Variants in PHLPP1 observed in about 807,000 individuals in gnomAD.
PHLPP1 encodes the protein PH domain leucine-rich repeat-containing protein phosphatase 1.
Under a neutral mutation model 117.2 loss-of-function variants are expected in PHLPP1, and 42 were observed. The ratio of observed to expected loss-of-function variants is 0.36; its 90% CI spans 0.28 to 0.46. The LOEUF is 0.46. PHLPP1 is among the 20% of genes least tolerant of loss of function. PHLPP1 has a pLI of 1.00. For synonymous variants in PHLPP1, 1,042 were observed against 970.7 expected (o/e 1.07, Z -1.37); for missense variants, 2,084 against 2,241.9 (o/e 0.93, Z 1.42).
chr18:62,874,906 G>T (rs1916009672), intron 4 of PHLPP1, among the ~76,000 whole-genome samples: 1 of 152,162 alleles, frequency 6.6e-6, no homozygotes, highest in Admixed American at 6.5e-5. Flanking sequence ...TGAATGAAAT[G>T]ACATTGTTCG....
intron 4 of PHLPP1, among the ~76,000 whole-genome samples, chr18:62,879,020 G>A (rs1916110568): frequency 6.6e-6 from 1 of 152,036 alleles, no homozygotes; most frequent in Non-Finnish European, 1.5e-5. Context: ...TGTAGTTTTT[G>A]CTTTCCAAAT....
intron 1 of PHLPP1, among the ~76,000 whole-genome samples, chr18:62,755,981 T>TC (rs1912003020): frequency 2.1e-5 from 3 of 142,570 alleles, no homozygotes; most frequent in African/African-American, 5.8e-5. Context: ...AATATTTTTG[T>TC]TCCCCCCCCC....
chr18:62,781,095 A>C (rs1490432071), intron 1 of PHLPP1, among the ~76,000 whole-genome samples: 2 of 152,222 alleles, frequency 1.3e-5, no homozygotes, highest in African/African-American at 4.8e-5. Context: ...TTATTTGACT[A>C]TTTGAGTTTG....
At chr18:62,820,374 A>G (rs534433173) in intron 1 of PHLPP1, among the ~76,000 whole-genome samples, 6 of 152,370 alleles carry the variant, frequency 3.9e-5, no homozygotes, top group Middle Eastern at 3.4e-3. Flanking sequence ...GCACTCTGCA[A>G]TAGCAAAATA....
intron 3 of PHLPP1, among the ~76,000 whole-genome samples, chr18:62,849,910 A>G (rs1227178308): frequency 7.0e-6 from 1 of 142,320 alleles, no homozygotes; most frequent in African/African-American, 2.6e-5. Context: ...AACCCAGAGT[A>G]TTAAATTTTC....
At position 62,716,586 on chromosome 18, in the gene PHLPP1, C is replaced by T; in HGVS notation, c.903C>T (p.Asp301=). 1 of 1,242,954 alleles carries T rather than the reference C, an allele frequency of 8.0e-7. No homozygotes were observed. Among genetic ancestry groups the T allele is most frequent in the Non-Finnish European group, 1.0e-6 (1 of 994,244 alleles). The allele number at this position is 1,242,954 out of a possible 1,614,324, so 77.0% of individuals were successfully genotyped here. Residue 301 remains aspartate (D), a synonymous_variant, in exon 1 of 17, where the codon GAC becomes GAT. Coordinates refer to ENST00000262719, the MANE Select transcript of PHLPP1 (RefSeq NM_194449.4). The surrounding 1 kb of genome is among the most constrained non-coding windows in gnomAD (Gnocchi z 5.7). ...FGGPPRAPPA[D]LPLPVGGPGG... is the part of the protein sequence containing the mutation. ...GGCCTCCGCGCGCGCCCCCCGCCGACCTACCCCTGCCCGTCGGCGGCCCGG... is the reference window on the plus strand; with the variant it reads ...GGCCTCCGCGCGCGCCCCCCGCCGATCTACCCCTGCCCGTCGGCGGCCCGG...
chr18:62,979,078 G>A lies in PHLPP1; in HGVS notation c.4801G>A (p.Glu1601Lys), dbSNP rs377448955. ...TGAGGGCATTGTCATCAGCGCCAAC[G>A]AGGATGAGCCAGGTCTGCCCAGGAA... Reference protein sequence around the residue: ...SDEGIVISANEDEPGLPRKAD... With the variant: ...SDEGIVISANKDEPGLPRKAD... Residue 1601 changes from glutamate to lysine, a missense_variant, in exon 17 of 17, where the codon GAG (glutamate) becomes AAG (lysine). By Grantham distance (56) the Glu-to-Lys change is moderately conservative (BLOSUM62 1). Coordinates refer to ENST00000262719, the MANE Select transcript of PHLPP1 (RefSeq NM_194449.4). The A allele has an allele frequency of 1.9e-6, 3 of 1,613,822 alleles. No individual in the cohort carries two copies. Among genetic ancestry groups the A allele is most frequent in the Admixed American group, 1.7e-5 (1 of 60,000 alleles).
At chr18:62,971,508 C>G (rs1187611566) in intron 14 of PHLPP1, among the ~76,000 whole-genome samples, 1 of 152,030 alleles carries the variant, frequency 6.6e-6, no homozygotes, top group Non-Finnish European at 1.5e-5. Flanking sequence ...GAACCACTAT[C>G]CTCCTCCAGT....
At chr18:62,718,657 G>A (rs1323691049) in intron 1 of PHLPP1, among the ~76,000 whole-genome samples, 1 of 152,172 alleles carries the variant, frequency 6.6e-6, no homozygotes, top group Admixed American at 6.5e-5. Context: ...CCAGGAAATA[G>A]ATGATTTTTT....
intron 12 of PHLPP1, among the ~76,000 whole-genome samples, chr18:62,954,014 A>G (rs566633954): frequency 2.6e-5 from 4 of 152,250 alleles, no homozygotes; most frequent in Non-Finnish European, 5.9e-5. Flanking sequence ...TGAGGAAAAC[A>G]TAATAAAGAC....
At chr18:62,972,456 G>T in intron 14 of PHLPP1, 58 bp from the exon 15 acceptor site, 1 of 1,489,600 alleles carries the variant, frequency 6.7e-7, no homozygotes, top group South Asian at 1.2e-5. Context: ...TAAGCACTGG[G>T]CTGGGCCTGG....
rs891903178 is a variant in PHLPP1, at chr18:62,805,889, T to G, written c.1577-24146T>G. 3.9e-5 allele frequency among the ~76,000 whole-genome samples: 6 copies of G among 152,204 alleles called. No homozygotes were observed. In the East Asian group the frequency reaches 5.8e-4, roughly 15 times the overall value. ...ATATAGATTGCCAGTGTTGCTTTTT[T>G]TTTTAATGTTTGAAATAATAGAATA... On this transcript the variant is annotated intron_variant, in intron 1 of 16. Coordinates refer to ENST00000262719, the MANE Select transcript of PHLPP1 (RefSeq NM_194449.4).
intron 1 of PHLPP1, among the ~76,000 whole-genome samples, chr18:62,784,620 A>G (rs1169050081): frequency 6.6e-6 from 1 of 152,236 alleles, no homozygotes; most frequent in African/African-American, 2.4e-5. Context: ...AATTATCACT[A>G]ATAAAACCTC....
Position 62,795,863 on chromosome 18 carries a change from TG to T in PHLPP1, c.1577-34171del, listed in dbSNP as rs1481600889. Among the ~76,000 whole-genome samples the T allele has an allele frequency of 4.6e-5, 7 of 152,334 alleles. No individual in the cohort carries two copies. The East Asian group carries it at 1.3e-3, about 29-fold the overall frequency. On this transcript the variant is annotated intron_variant, in intron 1 of 16. Coordinates refer to ENST00000262719, the MANE Select transcript of PHLPP1 (RefSeq NM_194449.4). ...ATAGTTACGTGCTGTGCAAGTTTCTTGCTAGTTTGCTGCTTCGAGTCTCTTG... is the reference window on the plus strand; with the variant it reads ...ATAGTTACGTGCTGTGCAAGTTTCTTCTAGTTTGCTGCTTCGAGTCTCTTG...
chr18:62,805,925 C>T (rs1037057517), intron 1 of PHLPP1, among the ~76,000 whole-genome samples: 2 of 151,282 alleles, frequency 1.3e-5, no homozygotes. Context: ...TAAAATATTT[C>T]AAAATATTTT....
At chr18:62,821,720 T>G (rs1914464185) in intron 1 of PHLPP1, among the ~76,000 whole-genome samples, 1 of 151,678 alleles carries the variant, frequency 6.6e-6, no homozygotes, top group South Asian at 2.1e-4. Context: ...CATTACAGAT[T>G]CTATAGATAT....
In PHLPP1 at chr18:62,919,881, T is replaced by C. The variant is rs896485872; in HGVS notation, c.2805-78T>C. The C allele has an allele frequency of 3.0e-6, 3 of 990,298 alleles. No homozygotes were observed. The African/African-American group carries it at 4.9e-5, about 16-fold the overall frequency. The allele number at this position is 990,298 out of a possible 1,614,324, so 61.3% of individuals were successfully genotyped here. Reference sequence around the variant, plus strand: ...TGAATTTGTAGTTGCTCCAAGTGAATTTGTGATTTTTGGAGAGGTAATTTT... The same window carrying C: ...TGAATTTGTAGTTGCTCCAAGTGAACTTGTGATTTTTGGAGAGGTAATTTT... On this transcript the variant is annotated intron_variant, in intron 9 of 16. Transcript: ENST00000262719.
chr18:62,741,075 A>G (rs1156237257), intron 1 of PHLPP1, among the ~76,000 whole-genome samples: 1 of 152,210 alleles, frequency 6.6e-6, no homozygotes, highest in Non-Finnish European at 1.5e-5. Context: ...TGTTTTGTAG[A>G]TTTTTAATAA....
At chr18:62,783,218 C>CTTTTTTTTTTT (rs528614480) in intron 1 of PHLPP1, among the ~76,000 whole-genome samples, 2 of 132,140 alleles carry the variant, frequency 1.5e-5, no homozygotes, top group African/African-American at 5.5e-5. Flanking sequence ...ACAAGCCTTT[C>CTTTTTTTTTTT]TTTTTTTTTT....
Sources: gnomAD v4.1 joint callset for allele counts (sites outside exome capture counted in the v4.1 genomes callset) on GRCh38, gnomAD v4.1.1 for gene constraint, Gnocchi (gnomAD v3.1) non-coding constraint, MANE v1.5 for transcripts, NCBI Gene and HGNC (gene_info 2026-07-23, HGNC 2026-07-21) for gene names.